The following MSRA variants were observed in gnomAD, a reference collection of about 807,000 sequenced individuals.
MSRA encodes methionine sulfoxide reductase A.
A neutral mutation model predicts 31.3 loss-of-function variants in MSRA; 54 were observed. The observed-to-expected ratio is 1.73, with a 90% CI of 1.39 to 2.17. MSRA has a LOEUF of 2.17. Among genes scored for constraint, MSRA ranks in the 30% most tolerant of loss-of-function variants. MSRA has a pLI of 0.00. For synonymous variants in MSRA, 169 were observed against 116.5 expected (o/e 1.45, Z -2.90); for missense variants, 507 against 300.9 (o/e 1.69, Z -5.07).
At chr8:10,307,721 G>A (rs1381925743) in intron 4 of MSRA, among the ~76,000 whole-genome samples, 1 of 152,206 alleles carries the variant, frequency 6.6e-6, no homozygotes, top group Admixed American at 6.5e-5. Context: ...CCTTCCCAGA[G>A]GACTGTGGTC....
intron 3 of MSRA, among the ~76,000 whole-genome samples, chr8:10,249,088 T>C (rs889506739): frequency 2.6e-5 from 4 of 152,156 alleles, no homozygotes; most frequent in Admixed American, 2.6e-4. Context: ...TTGGGTGTTC[T>C]GGGCAGACCC....
At position 10,127,081 on chromosome 8, in the gene MSRA, C is replaced by T. The variant is rs558538500; in HGVS notation, c.142+72423C>T. On this transcript the variant is annotated intron_variant, in intron 1 of 5. Transcript: ENST00000317173. ...CTGGCGAACATACTACCAGACATTTCTCTAGAATTCATAACTTTGTATTCT... is the reference window on the plus strand; with the variant it reads ...CTGGCGAACATACTACCAGACATTTTTCTAGAATTCATAACTTTGTATTCT... Among the ~76,000 whole-genome samples the T allele has an allele frequency of 2.2e-4, 33 of 152,346 alleles. 1 individual carries two copies. Among genetic ancestry groups the T allele is most frequent in the African/African-American group, 7.9e-4 (33 of 41,572 alleles).
rs528165716 is a variant in MSRA at position 10,390,371 on chromosome 8, G to A, written c.544-37777G>A. On this transcript the variant is annotated intron_variant, in intron 5 of 5. Coordinates refer to ENST00000317173, the MANE Select transcript of MSRA (RefSeq NM_012331.5). ...CAGGACAGATGACCAAACTGGAGTCGCGTGGTCGCCAGTTGAGAACCACTG... is the reference window on the plus strand; with the variant it reads ...CAGGACAGATGACCAAACTGGAGTCACGTGGTCGCCAGTTGAGAACCACTG... Among the ~76,000 whole-genome samples, 164 of 152,262 alleles carry A rather than the reference G, an allele frequency of 1.1e-3. No homozygotes were observed. The Middle Eastern group carries it at 0.014, about 13-fold the overall frequency.
chr8:10,248,993 C>T (rs13258235), intron 3 of MSRA, among the ~76,000 whole-genome samples: 31,625 of 152,046 alleles, frequency 0.21, 4,135 homozygotes, highest in Admixed American at 0.33. Context: ...GTGGAATGCC[C>T]TGACTGTGTA....
At chr8:10,418,890 C>A (rs1221873682) in intron 5 of MSRA, among the ~76,000 whole-genome samples, 4 of 134,040 alleles carry the variant, frequency 3.0e-5, no homozygotes, top group African/African-American at 5.6e-5. Context: ...CCTGAGAGGT[C>A]AAAGTTGCAG....
intron 1 of MSRA, among the ~76,000 whole-genome samples, chr8:10,088,148 A>G (rs111687835): frequency 3.3e-5 from 5 of 152,284 alleles, no homozygotes; most frequent in Admixed American, 6.5e-5. Context: ...GCCACTCTCA[A>G]GAGACTTCTG....
At chr8:10,351,600 T>A (rs991253771) in intron 5 of MSRA, among the ~76,000 whole-genome samples, 1 of 152,168 alleles carries the variant, frequency 6.6e-6, no homozygotes, top group Non-Finnish European at 1.5e-5. Context: ...AGTGAAAGGT[T>A]TCTGTGAACG....
chr8:10,226,426 G>A (rs779413619), intron 2 of MSRA, among the ~76,000 whole-genome samples: 18 of 152,084 alleles, frequency 1.2e-4, no homozygotes, highest in African/African-American at 1.9e-4. Context: ...CTTCATCTGG[G>A]ACCTCTTTCC....
At chr8:10,307,023 A>G (rs1190609899) in intron 4 of MSRA, among the ~76,000 whole-genome samples, 2 of 152,216 alleles carry the variant, frequency 1.3e-5, no homozygotes, top group East Asian at 1.9e-4. Flanking sequence ...AAGAGGAGCA[A>G]TGAGGTTCCA....
intron 5 of MSRA, among the ~76,000 whole-genome samples, chr8:10,427,477 G>T (rs1415786129): frequency 6.6e-6 from 1 of 152,174 alleles, no homozygotes; most frequent in Admixed American, 6.5e-5. Flanking sequence ...GCCACATCCT[G>T]CCCTGCCCTG....
chr8:10,073,513 C>G (rs1234713484), intron 1 of MSRA, among the ~76,000 whole-genome samples: 5 of 152,080 alleles, frequency 3.3e-5, no homozygotes, highest in African/African-American at 4.8e-5. Flanking sequence ...TTTGCTGAAT[C>G]TTACTATAGT....
chr8:10,200,459 G>A (rs918581923), intron 1 of MSRA, among the ~76,000 whole-genome samples: 1 of 152,088 alleles, frequency 6.6e-6, no homozygotes, highest in Non-Finnish European at 1.5e-5. Context: ...CAGCAGCTGG[G>A]GACATTTGCC....
At chr8:10,109,743 A>T (rs1183587475) in intron 1 of MSRA, among the ~76,000 whole-genome samples, 6 of 152,238 alleles carry the variant, frequency 3.9e-5, no homozygotes, top group Non-Finnish European at 8.8e-5. Context: ...TTTAGTTTAT[A>T]TGATGAAGCA....
intron 2 of MSRA, among the ~76,000 whole-genome samples, chr8:10,233,703 G>A (rs1423447299): frequency 1.3e-5 from 2 of 152,230 alleles, no homozygotes; most frequent in African/African-American, 2.4e-5. Flanking sequence ...AAGTTGAGAT[G>A]TGTCAACTGA....
At chr8:10,094,192 T>C (rs1315679022) in intron 1 of MSRA, among the ~76,000 whole-genome samples, 3 of 152,234 alleles carry the variant, frequency 2.0e-5, no homozygotes, top group Admixed American at 1.3e-4. Flanking sequence ...TAGCATTTTA[T>C]TGATCTATCA....
intron 1 of MSRA, among the ~76,000 whole-genome samples, chr8:10,083,723 GT>G (rs1798406987): frequency 6.6e-6 from 1 of 151,660 alleles, no homozygotes; most frequent in South Asian, 2.1e-4. Context: ...CTGCTATCCT[GT>G]TTTTTTCCCT....
intron 2 of MSRA, among the ~76,000 whole-genome samples, chr8:10,244,344 G>A (rs1420473936): frequency 6.6e-6 from 1 of 152,198 alleles, no homozygotes. Flanking sequence ...ACGTGCGTGA[G>A]TGTGTGTGCT....
chr8:10,243,731 C>G (rs1368303495), intron 2 of MSRA, among the ~76,000 whole-genome samples: 9 of 151,968 alleles, frequency 5.9e-5, no homozygotes, highest in Non-Finnish European at 1.3e-4. Flanking sequence ...ATATTTTCTT[C>G]CAGTCTAATT....
At chr8:10,314,065 A>C (rs1801583015) in intron 4 of MSRA, among the ~76,000 whole-genome samples, 1 of 152,166 alleles carries the variant, frequency 6.6e-6, no homozygotes, top group Non-Finnish European at 1.5e-5. Context: ...CAAGTAGATA[A>C]TTTTCATGAC....
Sources: gnomAD v4.1 joint callset for allele counts (sites outside exome capture counted in the v4.1 genomes callset) on GRCh38, gnomAD v4.1.1 for gene constraint, MANE v1.5 for transcripts, NCBI Gene and HGNC (gene_info 2026-07-23, HGNC 2026-07-21) for gene names.